The following PDE3A variants were observed in gnomAD, a reference collection of about 807,000 sequenced individuals.
PDE3A encodes the protein phosphodiesterase 3A.
A neutral mutation model predicts 98.3 loss-of-function variants in PDE3A; 43 were observed. The observed-to-expected ratio is 0.44, with a 90% CI of 0.34 to 0.56. PDE3A has a LOEUF of 0.56. Ranked by LOEUF, PDE3A falls within the 20% of genes least tolerant of loss-of-function variation. The pLI is 0.01. For synonymous variants in PDE3A, 663 were observed against 567.9 expected, an observed-to-expected ratio of 1.17 and a Z score of -2.38; for missense variants, 1,427 against 1,440.7, an observed-to-expected ratio of 0.99 and a Z score of 0.15.
intron 1 of PDE3A, among the ~76,000 whole-genome samples, chr12:20,449,161 G>A (rs1306654764): frequency 6.6e-6 from 1 of 152,142 alleles, no homozygotes; most frequent in Non-Finnish European, 1.5e-5. Context: ...AGACCTAAAT[G>A]GTGAAAAGAT....
At chr12:20,639,794 A>G in intron 9 of PDE3A, 52 bp from the exon 10 acceptor site, 1 of 807,106 alleles carries the variant, frequency 1.2e-6, no homozygotes, top group Non-Finnish European at 2.2e-6. Flanking sequence ...TGTTCTCTTT[A>G]TGTCTGACAT....
intron 12 of PDE3A, among the ~76,000 whole-genome samples, chr12:20,647,193 A>G (rs1396351076): frequency 6.6e-6 from 1 of 152,004 alleles, no homozygotes; most frequent in Non-Finnish European, 1.5e-5. Flanking sequence ...TAGGAAGAAA[A>G]CCTACTTGAA....
chr12:20,477,039 G>C (rs73071166), intron 1 of PDE3A, among the ~76,000 whole-genome samples: 1,618 of 152,254 alleles, frequency 0.011, 16 homozygotes, highest in Admixed American at 0.027. Context: ...TCGTGGTTTA[G>C]TATAGATGGG....
chr12:20,631,700 A>ATTTTTTTTTT (rs58133440), intron 6 of PDE3A, among the ~76,000 whole-genome samples: 7 of 116,874 alleles, frequency 6.0e-5, no homozygotes, highest in Admixed American at 8.5e-5. Context: ...ATCATAGTGT[A>ATTTTTTTTTT]TTTTTTTTTT....
chr12:20,602,726 T>C (rs1183828525), intron 2 of PDE3A, among the ~76,000 whole-genome samples: 1 of 152,208 alleles, frequency 6.6e-6, no homozygotes, highest in Non-Finnish European at 1.5e-5. Flanking sequence ...AAATGTAAAC[T>C]CATATTCCCT....
Position 20,658,951 on chromosome 12 carries a change from G to T in PDE3A, c.3184+4746G>T, listed in dbSNP as rs1406043943. ...AAATAGTGTCAAACTGAGAGAAATG[G>T]CAAGCCCATCTTGGTCACAAGAATA... is the stretch of plus-strand genomic sequence containing the variant. On this transcript the variant is annotated intron_variant, in intron 15 of 15. Coordinates refer to ENST00000359062, the MANE Select transcript of PDE3A (RefSeq NM_000921.5). 5.3e-5 allele frequency among the ~76,000 whole-genome samples: 8 copies of T among 152,120 alleles called. No homozygotes were observed. In the East Asian group the frequency reaches 1.2e-3, roughly 22 times the overall value.
intron 1 of PDE3A, among the ~76,000 whole-genome samples, chr12:20,402,643 A>G (rs1006938016): frequency 6.6e-6 from 1 of 152,216 alleles, no homozygotes; most frequent in Admixed American, 6.5e-5. Flanking sequence ...ATGAATATAA[A>G]TTTATTGGTA....
chr12:20,542,596 G>A (rs1402653284), intron 1 of PDE3A, among the ~76,000 whole-genome samples: 4 of 152,004 alleles, frequency 2.6e-5, no homozygotes, highest in Non-Finnish European at 4.4e-5. Context: ...GAAATTGTAT[G>A]TTGTTTAAAT....
Position 20,635,042 on chromosome 12 carries a change from A to C in PDE3A, c.1987A>C (p.Thr663Pro). 6.2e-7 allele frequency: 1 copy of C among 1,612,332 alleles called. No individual in the cohort carries two copies. Among genetic ancestry groups the C allele is most frequent in the Non-Finnish European group, 8.5e-7 (1 of 1,179,422 alleles). ...ASACSTYAPE[T>P]MMFLDKPILA... ...GGCTTGCAGCACCTATGCTCCTGAG[A>C]CCATGATGTTTCTGGTAGTCCCATA... Residue 663 changes from threonine (T) to proline (P), a missense_variant, in exon 8 of 16, where the codon ACC (threonine) becomes CCC (proline). Thr to Pro is a conservative substitution (Grantham distance 38). Transcript: ENST00000359062.
At chr12:20,647,561 C>T (rs985676114) in intron 12 of PDE3A, among the ~76,000 whole-genome samples, 9 of 152,024 alleles carry the variant, frequency 5.9e-5, no homozygotes, top group Admixed American at 1.3e-4. Context: ...AATTTAGCCC[C>T]TCATTTATTT....
At chr12:20,503,505 C>T (rs1051657529) in intron 1 of PDE3A, among the ~76,000 whole-genome samples, 5 of 151,912 alleles carry the variant, frequency 3.3e-5, no homozygotes, top group Admixed American at 1.3e-4. Context: ...AGAAAAATTC[C>T]ATCAGTCAGA....
chr12:20,491,532 G>T (rs1945825951), intron 1 of PDE3A, among the ~76,000 whole-genome samples: 1 of 152,160 alleles, frequency 6.6e-6, no homozygotes. Flanking sequence ...CAAGAAAGCT[G>T]CCATCTTGGA....
intron 3 of PDE3A, among the ~76,000 whole-genome samples, chr12:20,616,016 G>A (rs941839977): frequency 3.3e-5 from 5 of 152,024 alleles, no homozygotes; most frequent in East Asian, 1.9e-4. Context: ...GAGCCACTAC[G>A]CCTGACTGCT....
intron 1 of PDE3A, among the ~76,000 whole-genome samples, chr12:20,420,225 A>G (rs1591912517): frequency 6.6e-6 from 1 of 152,260 alleles, no homozygotes; most frequent in Middle Eastern, 3.4e-3. Flanking sequence ...TTCGGAGAAG[A>G]GAGAATGTCT....
intron 1 of PDE3A, among the ~76,000 whole-genome samples, chr12:20,504,486 T>G (rs1239474464): frequency 6.6e-6 from 1 of 152,168 alleles, no homozygotes; most frequent in Admixed American, 6.6e-5. Flanking sequence ...TTAATGGCAT[T>G]AAAAACCACA....
At chr12:20,522,266 C>T (rs1946443902) in intron 1 of PDE3A, among the ~76,000 whole-genome samples, 1 of 152,166 alleles carries the variant, frequency 6.6e-6, no homozygotes, top group Non-Finnish European at 1.5e-5. Flanking sequence ...CTCTGTAGAG[C>T]AGTGTTTTTC....
At chr12:20,601,282 T>G (rs1352229301) in intron 2 of PDE3A, among the ~76,000 whole-genome samples, 2 of 152,174 alleles carry the variant, frequency 1.3e-5, no homozygotes, top group African/African-American at 4.8e-5. Flanking sequence ...TTGCTTTCGT[T>G]TCTGCTGTTT....
intron 5 of PDE3A, among the ~76,000 whole-genome samples, chr12:20,624,172 T>G (rs1470003134): frequency 6.6e-6 from 1 of 152,164 alleles, no homozygotes. Context: ...AATGACTTCA[T>G]ACTAGAAAAA....
intron 2 of PDE3A, among the ~76,000 whole-genome samples, chr12:20,575,970 G>T (rs778471400): frequency 2.0e-5 from 3 of 151,712 alleles, no homozygotes; most frequent in Non-Finnish European, 4.4e-5. Context: ...AAAACCTATT[G>T]CTATATCTTA....
Sources: gnomAD v4.1 joint callset for allele counts (sites outside exome capture counted in the v4.1 genomes callset) on GRCh38, gnomAD v4.1.1 for gene constraint, MANE v1.5 for transcripts, NCBI Gene and HGNC (gene_info 2026-07-23, HGNC 2026-07-21) for gene names.